PADI1: variants seen among roughly 807,000 people sequenced by gnomAD.
PADI1 encodes protein-arginine deiminase type-1.
A neutral mutation model predicts 74.8 loss-of-function variants in PADI1; 65 were observed. The ratio of observed to expected loss-of-function variants is 0.87; its 90% CI spans 0.71 to 1.07. The LOEUF (loss-of-function observed/expected upper bound fraction) is 1.07, where lower values mean the gene tolerates loss of function less well. PADI1 is among the 50% of genes least tolerant of loss of function. The pLI is 0.00. For synonymous variants in PADI1, 371 were observed against 336.2 expected (o/e 1.10, Z -1.13); for missense variants, 943 against 854.0 (o/e 1.10, Z -1.30).
At chr1:17,211,223 T>TG (rs1203454337) in intron 1 of PADI1, among the ~76,000 whole-genome samples, 2 of 147,424 alleles carry the variant, frequency 1.4e-5, no homozygotes, top group African/African-American at 5.0e-5. Context: ...TTTTTGTTTT[T>TG]TTTTGAGACG....
chr1:17,236,119 C>T (rs1391240495), intron 11 of PADI1, among the ~76,000 whole-genome samples: 3 of 152,222 alleles, frequency 2.0e-5, no homozygotes, highest in African/African-American at 4.8e-5. Flanking sequence ...CCTCAGGCTG[C>T]TGTCCAGTGA....
chr1:17,211,046 C>G (rs1164465162), intron 1 of PADI1, among the ~76,000 whole-genome samples: 1 of 152,172 alleles, frequency 6.6e-6, no homozygotes, highest in Non-Finnish European at 1.5e-5. Flanking sequence ...AATTGCACAC[C>G]TGACCCATTT....
intron 1 of PADI1, among the ~76,000 whole-genome samples, chr1:17,212,905 T>C (rs1341809692): frequency 2.0e-5 from 3 of 152,212 alleles, no homozygotes; most frequent in Non-Finnish European, 4.4e-5. Flanking sequence ...GGCTGTGGCT[T>C]TCCTGCCTTG....
Position 17,230,159 on chromosome 1 carries a change from A to G in PADI1, c.1004A>G (p.Lys335Arg). The change falls in exon 9 of 16, where the codon AAG becomes AGG. Residue 335 changes from lysine (K) to arginine (R), a missense_variant. By Grantham distance (26) the Lys-to-Arg change is conservative. Coordinates refer to ENST00000375471, the MANE Select transcript of PADI1 (RefSeq NM_013358.3). ...MSYLTLKANCKLTICPQVENR... is the reference protein window; with the variant it reads ...MSYLTLKANCRLTICPQVENR... ...TATCTGACATTGAAAGCCAACTGCA[A>G]GCTGACCATCTGCCCTCAAGTTGAA... 6.2e-7 allele frequency: 1 copy of G among 1,614,210 alleles called. No homozygotes were observed. The highest frequency in any genetic ancestry group is 8.5e-7 in the Non-Finnish European group (1 of 1,180,030).
chr1:17,237,325 G>C lies in PADI1; in HGVS notation c.1325G>C (p.Arg442Pro). The C allele has an allele frequency of 1.2e-6, 2 of 1,609,126 alleles. No individual in the cohort carries two copies. The highest frequency in any genetic ancestry group is 8.5e-7 in the Non-Finnish European group (1 of 1,177,320). The change falls in exon 12 of 16, where the codon CGG (arginine) becomes CCG (proline). Residue 442 changes from arginine (R) to proline (P), a missense_variant. Physicochemically the swap from Arg to Pro is moderately radical, Grantham distance 103. Transcript: ENST00000375471. Reference protein sequence around the residue: ...IGSSFPKSGGRQMARAVRNFL... With the variant: ...IGSSFPKSGGPQMARAVRNFL... Reference sequence around the variant, plus strand: ...TCCCTCCTGGCCAGGTCCGGTGGGCGGCAGATGGCCAGGGCAGTGCGGAAC... The same window carrying C: ...TCCCTCCTGGCCAGGTCCGGTGGGCCGCAGATGGCCAGGGCAGTGCGGAAC...
At chr1:17,232,996 G>T in intron 11 of PADI1, 26 bp downstream of exon 11, 2 of 1,574,394 alleles carry the variant, frequency 1.3e-6, no homozygotes, top group Non-Finnish European at 8.6e-7. Context: ...GGGAGGTGGG[G>T]AGGCACAAGG....
At chr1:17,232,237 C>G (rs1000609479) in intron 10 of PADI1, among the ~76,000 whole-genome samples, 2 of 152,148 alleles carry the variant, frequency 1.3e-5, no homozygotes, top group African/African-American at 4.8e-5. Flanking sequence ...TGAGCCACCA[C>G]GCCTGGCCTA....
rs771954333 is a variant in PADI1, at chr1:17,240,719, T to C, written c.1717T>C (p.Phe573Leu). ...CATCGTGGACATTCCCCAGCTCTTCTTCCTGAAAAACTTCTACGCGGAAGC... is the reference window on the plus strand; with the variant it reads ...CATCGTGGACATTCCCCAGCTCTTCCTCCTGAAAAACTTCTACGCGGAAGC... ...SDIVDIPQLF[F>L]LKNFYAEAFF... Residue 573 changes from phenylalanine to leucine, a missense_variant, in exon 15 of 16, where the codon TTC becomes CTC. Phe to Leu is a conservative substitution (Grantham distance 22). Coordinates refer to ENST00000375471, the MANE Select transcript of PADI1 (RefSeq NM_013358.3). 4 of 1,614,080 alleles carry C rather than the reference T, an allele frequency of 2.5e-6. No individual in the cohort carries two copies. Among genetic ancestry groups the C allele is most frequent in the Non-Finnish European group, 3.4e-6 (4 of 1,179,932 alleles).
At chr1:17,230,714 T>A in intron 10 of PADI1, 35 bp downstream of exon 10, 2 of 1,304,444 alleles carry the variant, frequency 1.5e-6, no homozygotes, top group Middle Eastern at 1.8e-4. Context: ...GAAACCCTGG[T>A]TGGGTCCTCC....
chr1:17,238,723 AC>A lies in PADI1; in HGVS notation c.1552+17del. ...CCCAGTTTGATGGTGAGTGCCAATGACCCGGTCACCCCTGGGGGACCCTGCC... is the reference window on the plus strand; with the variant it reads ...CCCAGTTTGATGGTGAGTGCCAATGACCGGTCACCCCTGGGGGACCCTGCC... On this transcript the variant is annotated intron_variant, in intron 13 of 15. Coordinates refer to ENST00000375471, the MANE Select transcript of PADI1 (RefSeq NM_013358.3). The A allele has an allele frequency of 3.6e-6, 5 of 1,399,468 alleles. No homozygotes were observed. Among genetic ancestry groups the A allele is most frequent in the South Asian group, 1.4e-5 (1 of 70,562 alleles). 86.7% of individuals were successfully genotyped at this position (1,399,468 alleles called of 1,614,324 possible).
chr1:17,230,797 G>A (rs2072470212), intron 10 of PADI1, 118 bp downstream of exon 10: 1 of 646,306 alleles, frequency 1.5e-6, no homozygotes, highest in Non-Finnish European at 2.7e-6. Context: ...GGGGGCAGAA[G>A]GATACAGGAG....
rs1282350711 is a variant in PADI1 at position 17,206,017 on chromosome 1, G to A, written c.92+708G>A. Among the ~76,000 whole-genome samples, 4 of 152,164 alleles carry A rather than the reference G, an allele frequency of 2.6e-5. No individual in the cohort carries two copies. In the East Asian group the frequency reaches 7.7e-4, roughly 29 times the overall value. ...TTTCCTGTGCTGGCTGTGTCCAGATGGGGACTCGGGGACTCAGCCTTAGTT... is the reference window on the plus strand; with the variant it reads ...TTTCCTGTGCTGGCTGTGTCCAGATAGGGACTCGGGGACTCAGCCTTAGTT... On this transcript the variant is annotated intron_variant, in intron 1 of 15. Transcript: ENST00000375471.
At position 17,229,114 on chromosome 1, in the gene PADI1, C is replaced by T; in HGVS notation, c.929+63C>T. ...AGTGCAGAGGTAGGGACAGAAGCTG[C>T]CTCAGGGCTGCGCCCCTCACTCACA... On this transcript the variant is annotated intron_variant, in intron 8 of 15. Coordinates refer to ENST00000375471, the MANE Select transcript of PADI1 (RefSeq NM_013358.3). The T allele has an allele frequency of 2.9e-6, 3 of 1,030,722 alleles. No individual in the cohort carries two copies. The South Asian group carries it at 4.2e-5, about 15-fold the overall frequency. 63.8% of individuals were successfully genotyped at this position (1,030,722 alleles called of 1,614,324 possible). A position where few individuals can be genotyped will look rare whatever the true frequency, so the allele number is the denominator to read the frequency against.
intron 3 of PADI1, 97 bp downstream of exon 3, chr1:17,223,790 GC>G: frequency 1.0e-6 from 1 of 991,534 alleles, no homozygotes; most frequent in Non-Finnish European, 1.6e-6. Flanking sequence ...AAGACCCATG[GC>G]CAGCTTCCTC....
chr1:17,235,443 T>C (rs184743900), intron 11 of PADI1, among the ~76,000 whole-genome samples: 49 of 152,222 alleles, frequency 3.2e-4, no homozygotes, highest in African/African-American at 1.1e-3. Context: ...TGGGCAGGGA[T>C]GGACCGGTAG....
chr1:17,206,730 A>C (rs1238284215), intron 1 of PADI1, among the ~76,000 whole-genome samples: 5 of 124,662 alleles, frequency 4.0e-5, no homozygotes, highest in Non-Finnish European at 7.8e-5. Flanking sequence ...TCTGTCACCC[A>C]GGCTGGAGTG....
intron 4 of PADI1, 142 bp from the exon 5 acceptor site, chr1:17,225,669 A>G: frequency 1.5e-6 from 1 of 666,820 alleles, no homozygotes; most frequent in South Asian, 1.9e-5. Context: ...CATTCCCCAA[A>G]TAATCCTTTT....
At chr1:17,242,397 T>C (rs1006069981) in intron 15 of PADI1, among the ~76,000 whole-genome samples, 1 of 152,262 alleles carries the variant, frequency 6.6e-6, no homozygotes, top group Non-Finnish European at 1.5e-5. Flanking sequence ...ACAGAAATTG[T>C]AACTTTATGT....
chr1:17,230,501 G>T lies in PADI1; in HGVS notation c.1054-71G>T, dbSNP rs1337280676. On this transcript the variant is annotated intron_variant, in intron 9 of 15. Coordinates refer to ENST00000375471, the MANE Select transcript of PADI1 (RefSeq NM_013358.3). The stretch of plus-strand genomic sequence containing the variant: ...CGCTGCCCTGCCCTGCCCCAGGCCT[G>T]GTGGGGACCACCCTGTTCTGTAAAC... 8 of 1,080,372 alleles carry T rather than the reference G, an allele frequency of 7.4e-6. No homozygotes were observed. The East Asian group carries it at 7.4e-5, about 10-fold the overall frequency. 66.9% of individuals were successfully genotyped at this position (1,080,372 alleles called of 1,614,324 possible).
Sources: gnomAD v4.1 joint callset for allele counts (sites outside exome capture counted in the v4.1 genomes callset) on GRCh38, gnomAD v4.1.1 for gene constraint, MANE v1.5 for transcripts, NCBI Gene and HGNC (gene_info 2026-07-23, HGNC 2026-07-21) for gene names.